The following HCN1 variants were observed in gnomAD, a reference collection of about 807,000 sequenced individuals.
HCN1 encodes the protein hyperpolarization activated cyclic nucleotide gated potassium channel 1.
HCN1 carries 13 observed loss-of-function variants against 78.9 expected under a neutral mutation model. The ratio of observed to expected loss-of-function variants is 0.16; its 90% CI spans 0.11 to 0.26. The LOEUF (loss-of-function observed/expected upper bound fraction) is 0.26, where lower values mean the gene tolerates loss of function less well. Among genes scored for constraint, HCN1 ranks in the 10% least tolerant of loss-of-function variants. The pLI is 1.00. For synonymous variants in HCN1, 552 were observed against 455.5 expected (o/e 1.21, Z -2.70); for missense variants, 810 against 1,154.3 (o/e 0.70, Z 4.32).
intron 2 of HCN1, among the ~76,000 whole-genome samples, chr5:45,567,556 GCTA>G (rs1266353929): frequency 1.0e-5 from 1 of 98,044 alleles, no homozygotes; most frequent in Non-Finnish European, 1.9e-5. Context: ...GGCATTTTAG[GCTA>G]CACACACACA....
intron 5 of HCN1, among the ~76,000 whole-genome samples, chr5:45,326,302 T>C (rs1454180500): frequency 2.0e-5 from 3 of 151,700 alleles, no homozygotes; most frequent in Non-Finnish European, 4.4e-5. Flanking sequence ...AATTTATATA[T>C]GTATTCCCTT....
At chr5:45,388,564 TGAAGCA>T (rs911451359) in intron 4 of HCN1, among the ~76,000 whole-genome samples, 1 of 152,072 alleles carries the variant, frequency 6.6e-6, no homozygotes, top group Admixed American at 6.6e-5. Flanking sequence ...GCAAATTTAA[TGAAGCA>T]GAAACTCAGG....
In HCN1 at chr5:45,318,880, A is replaced by G. The variant is rs148879121; in HGVS notation, c.1378-15041T>C. 4.7e-4 allele frequency among the ~76,000 whole-genome samples: 71 copies of G among 152,118 alleles called. No individual in the cohort carries two copies. The East Asian group carries it at 0.013, about 29-fold the overall frequency. ...CTTAGTCAACCCAGAGGTTCTAGCT[A>G]TTCTGATTTCTATCACTACAGAGCA... On this transcript the variant is annotated intron_variant, in intron 5 of 7. Coordinates refer to ENST00000303230, the MANE Select transcript of HCN1 (RefSeq NM_021072.4).
chr5:45,445,788 G>A (rs1051635733), intron 3 of HCN1, among the ~76,000 whole-genome samples: 2 of 152,162 alleles, frequency 1.3e-5, no homozygotes, highest in African/African-American at 4.8e-5. Flanking sequence ...GGTCTGGAGT[G>A]GCCCTCTAGC....
chr5:45,531,424 G>A (rs1234526599), intron 2 of HCN1, among the ~76,000 whole-genome samples: 1 of 152,120 alleles, frequency 6.6e-6, no homozygotes, highest in Admixed American at 6.5e-5. Flanking sequence ...CCATTATTGA[G>A]TCTTTGTAAT....
At chr5:45,441,052 A>C (rs1466697920) in intron 3 of HCN1, among the ~76,000 whole-genome samples, 1 of 151,980 alleles carries the variant, frequency 6.6e-6, no homozygotes, top group African/African-American at 2.4e-5. Context: ...TTCTTCCTTC[A>C]TTTCCTTGAG....
At chr5:45,591,428 T>C (rs1744362136) in intron 2 of HCN1, among the ~76,000 whole-genome samples, 1 of 152,170 alleles carries the variant, frequency 6.6e-6, no homozygotes, top group African/African-American at 2.4e-5. Flanking sequence ...CTCTTCAGTA[T>C]CTGATGTTGT....
At chr5:45,693,874 C>A (rs935557985) in intron 1 of HCN1, among the ~76,000 whole-genome samples, 1 of 152,086 alleles carries the variant, frequency 6.6e-6, no homozygotes, top group African/African-American at 2.4e-5. Flanking sequence ...AGCATTTTTG[C>A]ATGTTAATAT....
At chr5:45,357,768 C>G (rs577866488) in intron 4 of HCN1, among the ~76,000 whole-genome samples, 56 of 152,106 alleles carry the variant, frequency 3.7e-4, no homozygotes, top group African/African-American at 1.3e-3. Flanking sequence ...ATAGGATTCT[C>G]CAAACTTCAT....
chr5:45,396,443 G>T, intron 4 of HCN1, 49 bp downstream of exon 4: 1 of 1,404,014 alleles, frequency 7.1e-7, no homozygotes, highest in Non-Finnish European at 1.0e-6. Context: ...TCAATTTACT[G>T]GTTCAGGTTA....
intron 5 of HCN1, among the ~76,000 whole-genome samples, chr5:45,321,456 C>A (rs1034112413): frequency 6.7e-6 from 1 of 150,302 alleles, no homozygotes; most frequent in Non-Finnish European, 1.5e-5. Flanking sequence ...TTTCACCCCA[C>A]AGTGGGGCCT....
chr5:45,676,371 GTCAA>G (rs1013133440), intron 1 of HCN1, among the ~76,000 whole-genome samples: 25 of 151,654 alleles, frequency 1.6e-4, no homozygotes, highest in East Asian at 9.7e-4. Flanking sequence ...ATTTTTATTG[GTCAA>G]TCAGATACAT....
At chr5:45,376,135 A>T in intron 4 of HCN1, among the ~76,000 whole-genome samples, 1 of 109,402 alleles carries the variant, frequency 9.1e-6, no homozygotes, top group Admixed American at 1.2e-4. Context: ...TATATAAAAT[A>T]TAATATATTA....
chr5:45,495,025 AGG>A (rs1741993400), intron 2 of HCN1, among the ~76,000 whole-genome samples: 1 of 144,248 alleles, frequency 6.9e-6, no homozygotes, highest in East Asian at 2.0e-4. Flanking sequence ...GTTTGAAGTC[AGG>A]TAGTGTGATG....
At chr5:45,424,517 C>A (rs1440689971) in intron 3 of HCN1, among the ~76,000 whole-genome samples, 1 of 151,966 alleles carries the variant, frequency 6.6e-6, no homozygotes, top group Non-Finnish European at 1.5e-5. Flanking sequence ...GAAAAAAATT[C>A]TTCATAATCA....
intron 6 of HCN1, among the ~76,000 whole-genome samples, chr5:45,275,210 C>A (rs1561084349): frequency 6.8e-6 from 1 of 148,138 alleles, no homozygotes; most frequent in Admixed American, 6.8e-5. Context: ...CGTGCCACTG[C>A]ACTACAGCCT....
At chr5:45,294,959 T>C (rs969651480) in intron 6 of HCN1, among the ~76,000 whole-genome samples, 12 of 152,056 alleles carry the variant, frequency 7.9e-5, no homozygotes, top group African/African-American at 2.7e-4. Flanking sequence ...TTTAACTGCT[T>C]TGAGACTCAT....
At chr5:45,615,976 T>C (rs912769849) in intron 2 of HCN1, among the ~76,000 whole-genome samples, 1 of 151,866 alleles carries the variant, frequency 6.6e-6, no homozygotes, top group African/African-American at 2.4e-5. Context: ...TATAAAGACA[T>C]TTTTAAAAGC....
intron 4 of HCN1, among the ~76,000 whole-genome samples, chr5:45,384,884 T>A (rs992421294): frequency 6.6e-6 from 1 of 152,300 alleles, no homozygotes; most frequent in African/African-American, 2.4e-5. Context: ...TCTCTTTGGA[T>A]CTCAGTTTTC....
Sources: allele counts gnomAD v4.1 joint callset (sites outside exome capture counted in the v4.1 genomes callset), GRCh38; gene constraint gnomAD v4.1.1; transcripts MANE v1.5; gene names NCBI Gene and HGNC (gene_info 2026-07-23, HGNC 2026-07-21).